Variants in CAST observed in about 807,000 individuals in gnomAD.
CAST encodes the protein calpastatin.
CAST carries 76 observed loss-of-function variants against 119.6 expected under a neutral mutation model. The observed-to-expected ratio is 0.64, with a 90% confidence interval of 0.53 to 0.77. CAST has a LOEUF of 0.77. CAST is among the 30% of genes least tolerant of loss of function. The probability of loss-of-function intolerance (pLI) is 0.00; values close to 1 mark genes in which losing one functional copy is unlikely to be tolerated. For synonymous variants in CAST, 319 were observed against 331.6 expected (o/e 0.96, Z 0.41); for missense variants, 953 against 946.5 (o/e 1.01, Z -0.09).
chr5:96,054,098 T>A, the CAST span, among the ~76,000 whole-genome samples: 266 of 152,310 alleles, frequency 1.7e-3, 1 homozygote, highest in African/African-American at 6.1e-3. Flanking sequence ...ACCTTGTTTT[T>A]TCCATTCCAA....
the CAST span, among the ~76,000 whole-genome samples, chr5:96,016,713 G>A: frequency 6.6e-6 from 1 of 152,018 alleles, no homozygotes; most frequent in Admixed American, 6.5e-5. Flanking sequence ...ACTTTGGTCA[G>A]TGTTGCTGTC....
At chr5:96,548,902 G>A (rs7349821) in intron 1 of CAST, among the ~76,000 whole-genome samples, 2 of 152,334 alleles carry the variant, frequency 1.3e-5, no homozygotes, top group African/African-American at 4.8e-5. Flanking sequence ...ATAGCTGTCA[G>A]GCAGAGTACA....
chr5:96,418,936 C>G, the CAST span, among the ~76,000 whole-genome samples: 1 of 152,098 alleles, frequency 6.6e-6, no homozygotes, highest in East Asian at 1.9e-4. Context: ...GAAAGAAGGT[C>G]TACCTCAGTT....
the CAST span, among the ~76,000 whole-genome samples, chr5:96,301,037 A>G: frequency 7.4e-3 from 1,124 of 152,202 alleles, 7 homozygotes; most frequent in Non-Finnish European, 0.012. Flanking sequence ...GAGACTGGGT[A>G]ATTTATGAAG....
the CAST span, among the ~76,000 whole-genome samples, chr5:96,427,693 C>T: frequency 1.3e-5 from 2 of 152,094 alleles, no homozygotes; most frequent in Non-Finnish European, 2.9e-5. Flanking sequence ...GTTAGGTATG[C>T]TCTATTCTGT....
chr5:96,086,326 T>G, the CAST span, among the ~76,000 whole-genome samples: 1 of 152,292 alleles, frequency 6.6e-6, no homozygotes, highest in South Asian at 2.1e-4. Context: ...CATCACAAAG[T>G]AGGATGGTGA....
At chr5:96,258,034 A>G in the CAST span, among the ~76,000 whole-genome samples, 1 of 152,208 alleles carries the variant, frequency 6.6e-6, no homozygotes, top group Non-Finnish European at 1.5e-5. Context: ...AGTATGCTGC[A>G]TAAGGATTCA....
intron 1 of CAST, among the ~76,000 whole-genome samples, chr5:96,613,466 C>T (rs1029957311): frequency 6.6e-6 from 1 of 152,066 alleles, no homozygotes; most frequent in Non-Finnish European, 1.5e-5. Flanking sequence ...CTGTTTAAGT[C>T]TTCACAACCC....
chr5:96,116,877 T>C, the CAST span, among the ~76,000 whole-genome samples: 1 of 152,210 alleles, frequency 6.6e-6, no homozygotes, highest in African/African-American at 2.4e-5. Flanking sequence ...TTCTCAGAGT[T>C]TGTGGCTTGC....
intron 3 of CAST, chr5:96,714,748 C>T (rs538710433): frequency 2.0e-5 from 3 of 152,202 alleles, no homozygotes; most frequent in African/African-American, 4.8e-5. Flanking sequence ...CTTTTCTATT[C>T]TTTGATGACT....
At chr5:96,466,069 C>A in the CAST span, among the ~76,000 whole-genome samples, 62 of 152,056 alleles carry the variant, frequency 4.1e-4, no homozygotes, top group Non-Finnish European at 7.9e-4. Context: ...AATATACTTA[C>A]TTGTTTTCTC....
the CAST span, among the ~76,000 whole-genome samples, chr5:96,336,085 CCTT>C: frequency 6.6e-6 from 1 of 151,604 alleles, no homozygotes; most frequent in Non-Finnish European, 1.5e-5. Flanking sequence ...CTGACCCAGT[CCTT>C]CTCTTGCTAA....
the CAST span, among the ~76,000 whole-genome samples, chr5:96,333,575 G>A: frequency 6.6e-6 from 1 of 152,128 alleles, no homozygotes; most frequent in African/African-American, 2.4e-5. Context: ...GTCAGGTGGG[G>A]CCAGGGACCA....
At chr5:96,460,354 A>G in the CAST span, among the ~76,000 whole-genome samples, 1,336 of 152,194 alleles carry the variant, frequency 8.8e-3, 25 homozygotes, top group African/African-American at 0.031. Flanking sequence ...AGGGAGGGGA[A>G]CATGACAACA....
At chr5:96,041,028 A>G in the CAST span, among the ~76,000 whole-genome samples, 1 of 152,134 alleles carries the variant, frequency 6.6e-6, no homozygotes, top group African/African-American at 2.4e-5. Flanking sequence ...TAGGCTATTA[A>G]TTATTGCCTC....
At chr5:96,485,013 T>C in the CAST span, among the ~76,000 whole-genome samples, 3 of 152,322 alleles carry the variant, frequency 2.0e-5, no homozygotes, top group East Asian at 5.8e-4. Flanking sequence ...AATTAAGTTC[T>C]GAGCAGAACT....
chr5:96,767,325 T>C, intron 27 of CAST, 113 bp from the exon 28 acceptor site: 1 of 779,002 alleles, frequency 1.3e-6, no homozygotes, highest in Admixed American at 2.4e-5. Context: ...ATTGCAAGTC[T>C]ACACTCCATT....
the CAST span, among the ~76,000 whole-genome samples, chr5:95,985,082 G>T: frequency 0.019 from 2,846 of 152,276 alleles, 39 homozygotes; most frequent in Non-Finnish European, 0.026. Flanking sequence ...GGAGTTCAAG[G>T]AGGGAGGTTC....
At chr5:96,488,596 T>G in the CAST span, among the ~76,000 whole-genome samples, 5 of 152,210 alleles carry the variant, frequency 3.3e-5, no homozygotes, top group African/African-American at 9.7e-5. Context: ...CTTGAGAAGC[T>G]TCCAGATAGT....
Sources: allele counts gnomAD v4.1 joint callset (sites outside exome capture counted in the v4.1 genomes callset), GRCh38; gene constraint gnomAD v4.1.1; transcripts MANE v1.5; gene names NCBI Gene and HGNC (gene_info 2026-07-23, HGNC 2026-07-21).